PTPRF: variants seen among roughly 807,000 people sequenced by gnomAD.
The protein encoded by PTPRF is protein tyrosine phosphatase receptor type F.
Under a neutral mutation model 201.8 loss-of-function variants are expected in PTPRF, and 59 were observed. That is an observed-to-expected ratio of 0.29 (90% CI 0.24 to 0.36). The LOEUF (loss-of-function observed/expected upper bound fraction) is 0.36, where lower values mean the gene tolerates loss of function less well. Among genes scored for constraint, PTPRF ranks in the 10% least tolerant of loss-of-function variants. The pLI, the probability that PTPRF is intolerant of heterozygous loss-of-function variation, is 1.00. For synonymous variants in PTPRF, 1,088 were observed against 1,089.7 expected (o/e 1.00, Z 0.03); for missense variants, 2,132 against 2,690.5 (o/e 0.79, Z 4.59).
At chr1:43,601,398 C>T (rs1570528009) in intron 13 of PTPRF, among the ~76,000 whole-genome samples, 1 of 152,372 alleles carries the variant, frequency 6.6e-6, no homozygotes, top group East Asian at 1.9e-4. Flanking sequence ...GGTGATTTCC[C>T]GTGCCTGTGG....
chr1:43,545,191 G>T (rs1055896338), intron 3 of PTPRF, 25 bp downstream of exon 3: 1 of 1,555,234 alleles, frequency 6.4e-7, no homozygotes, highest in African/African-American at 1.4e-5. Flanking sequence ...TCAAGGTACA[G>T]ATCTCCCAGG....
upstream of PTPRF, among the ~76,000 whole-genome samples, chr1:43,525,905 G>A (rs1228461221): frequency 1.3e-5 from 2 of 151,564 alleles, no homozygotes; most frequent in African/African-American, 2.4e-5. Flanking sequence ...GAATAGAGGC[G>A]TCCTGTAGAA....
chr1:43,548,902 A>G (rs2819333), intron 3 of PTPRF, among the ~76,000 whole-genome samples: 4 of 152,200 alleles, frequency 2.6e-5, no homozygotes, highest in African/African-American at 9.6e-5. Flanking sequence ...AAGAGCCTTG[A>G]TGGTGGCCCA....
In PTPRF at chr1:43,605,610, G is replaced by C. The variant is rs143151571; in HGVS notation, c.3471G>C (p.Leu1157=). 1.2e-6 allele frequency: 2 copies of C among 1,614,022 alleles called. No individual in the cohort carries two copies. Among genetic ancestry groups the C allele is most frequent in the African/African-American group, 1.3e-5 (1 of 74,940 alleles). Residue 1157 remains leucine (L), a synonymous_variant, in exon 19 of 34, where the codon CTG becomes CTC. Coordinates refer to ENST00000359947, the MANE Select transcript of PTPRF (RefSeq NM_002840.5). ...CAAGGTGGAGCACACCCGAGGAACT[G>C]GAGCTGGACGAGGTACCTGGGGAGG... is the stretch of plus-strand genomic sequence containing the variant. ...LTPRWSTPEE[L]ELDELLEAIE...
intron 6 of PTPRF, among the ~76,000 whole-genome samples, chr1:43,570,960 C>T (rs1351392733): frequency 6.6e-6 from 1 of 152,250 alleles, no homozygotes; most frequent in South Asian, 2.1e-4. Context: ...CTCATAGTTC[C>T]TCCAGGCAGG....
rs1643396654 is a variant in PTPRF at position 43,530,940 on chromosome 1, T to TC, written c.-275dup. ...CTCCAGCTTCGGCTCCGGCTCGGGC[T>TC]CGGGCTCCGGCTCCGGCTCCGGCTC... On this transcript the variant is annotated 5_prime_UTR_variant, in exon 1 of 34. Transcript: ENST00000359947. The surrounding 1 kb of genome is among the most constrained non-coding windows in gnomAD (Gnocchi z 4.1). The TC allele has an allele frequency of 1.3e-5, 2 of 155,826 alleles. No homozygotes were observed. The highest frequency in any genetic ancestry group is 4.9e-5 in the African/African-American group (2 of 40,586). The allele number at this position is 155,826 out of a possible 1,614,324, so 9.7% of individuals were successfully genotyped here.
intron 3 of PTPRF, 76 bp downstream of exon 3, chr1:43,545,242 G>A: frequency 7.0e-7 from 1 of 1,436,276 alleles, no homozygotes. Flanking sequence ...CTGGGATGGG[G>A]ACAGACCGGC....
intron 5 of PTPRF, among the ~76,000 whole-genome samples, chr1:43,568,231 G>A (rs1020568855): frequency 1.3e-5 from 2 of 151,668 alleles, no homozygotes; most frequent in South Asian, 2.1e-4. Flanking sequence ...GGAGGCGGAG[G>A]TTGCGGTGAG....
At chr1:43,533,364 C>T (rs1018498065) in intron 1 of PTPRF, among the ~76,000 whole-genome samples, 1 of 152,094 alleles carries the variant, frequency 6.6e-6, no homozygotes, top group Non-Finnish European at 1.5e-5. Flanking sequence ...ACTAGCTACA[C>T]ATCTTTTACT....
chr1:43,605,552 C>T lies in PTPRF; in HGVS notation c.3413C>T (p.Pro1138Leu). Residue 1138 changes from proline to leucine, a missense_variant, in exon 19 of 34, where the codon CCC (proline) becomes CTC (leucine). This residue lies in a region of PTPRF where 818 missense variants were observed against 915.3 expected (regional missense o/e 0.89). Coordinates refer to ENST00000359947, the MANE Select transcript of PTPRF (RefSeq NM_002840.5). ...AGGTGGTTCTACATTGTTGTGGTGC[C>T]CATTGACCGTGTGGGCGGGAGCATG... ...LVRWFYIVVV[P>L]IDRVGGSMLT... The T allele has an allele frequency of 6.2e-7, 1 of 1,614,096 alleles. No homozygotes were observed. Among genetic ancestry groups the T allele is most frequent in the Non-Finnish European group, 8.5e-7 (1 of 1,180,008 alleles).
In PTPRF at chr1:43,603,047, C is replaced by G. The variant is rs984905976; in HGVS notation, c.2341-369C>G. Among the ~76,000 whole-genome samples the G allele has an allele frequency of 6.6e-6, 1 of 152,154 alleles. No homozygotes were observed. Among genetic ancestry groups the G allele is most frequent in the Non-Finnish European group, 1.5e-5 (1 of 68,020 alleles). On this transcript the variant is annotated intron_variant, in intron 14 of 33. Coordinates refer to ENST00000359947, the MANE Select transcript of PTPRF (RefSeq NM_002840.5). This position sits in a 1 kb window ranked among gnomAD's most constrained non-coding sequence, Gnocchi z 5.8. ...TTATGCAGGAGCTGTAGGCTGTGTGCGTGTGGCTGCCAAGAGCCACGCAAG... is the reference window on the plus strand; with the variant it reads ...TTATGCAGGAGCTGTAGGCTGTGTGGGTGTGGCTGCCAAGAGCCACGCAAG...
At chr1:43,607,043 T>C in intron 21 of PTPRF, 75 bp downstream of exon 21, 1 of 1,562,392 alleles carries the variant, frequency 6.4e-7, no homozygotes. Context: ...GTGTGGTGCC[T>C]GTGGAGAGCG....
intron 6 of PTPRF, among the ~76,000 whole-genome samples, chr1:43,574,894 C>T (rs1252561748): frequency 6.6e-6 from 1 of 152,212 alleles, no homozygotes; most frequent in East Asian, 1.9e-4. Flanking sequence ...TGAGTAATTC[C>T]CTGAATGTCT....
In PTPRF at chr1:43,545,025, T is replaced by G. The variant is rs754414070; in HGVS notation, c.-45-6T>G. The G allele has an allele frequency of 2.9e-5, 43 of 1,494,378 alleles. No homozygotes were observed. Among genetic ancestry groups the G allele is most frequent in the Non-Finnish European group, 3.7e-5 (41 of 1,100,322 alleles). The allele number at this position is 1,494,378 out of a possible 1,614,324, so 92.6% of individuals were successfully genotyped here. A position where few individuals can be genotyped will look rare whatever the true frequency, so the allele number is the denominator to read the frequency against. On this transcript the variant is annotated splice_region_variant and splice_polypyrimidine_tract_variant and intron_variant, in intron 2 of 33. Transcript: ENST00000359947. ...CTAACTGGCTCTGCCCTTCTCTCCATTACAGGTTGATTGTCCTGGGCTGTG... is the reference window on the plus strand; with the variant it reads ...CTAACTGGCTCTGCCCTTCTCTCCAGTACAGGTTGATTGTCCTGGGCTGTG...
intron 2 of PTPRF, among the ~76,000 whole-genome samples, chr1:43,540,508 G>A (rs1436349188): frequency 2.0e-5 from 3 of 152,190 alleles, no homozygotes; most frequent in African/African-American, 7.2e-5. Context: ...CCAGAGGAAG[G>A]GGCCTGGAGG....
chr1:43,621,038 C>T (rs1363563309), intron 32 of PTPRF, 46 bp downstream of exon 32: 2 of 1,610,272 alleles, frequency 1.2e-6, no homozygotes, highest in Non-Finnish European at 1.7e-6. Context: ...GCCTGAAGGC[C>T]TGGCAGACCC....
intron 6 of PTPRF, among the ~76,000 whole-genome samples, chr1:43,570,997 C>T (rs1437131079): frequency 6.6e-6 from 1 of 152,246 alleles, no homozygotes; most frequent in Non-Finnish European, 1.5e-5. Flanking sequence ...ACGCTCCTCC[C>T]TGCTGGCCTG....
At chr1:43,584,162 A>G (rs1347691384) in intron 7 of PTPRF, among the ~76,000 whole-genome samples, 3 of 152,076 alleles carry the variant, frequency 2.0e-5, no homozygotes, top group Non-Finnish European at 4.4e-5. Flanking sequence ...GTGGTCATTC[A>G]TGTATCACAT....
At chr1:43,555,539 G>A (rs1645308173) in intron 5 of PTPRF, among the ~76,000 whole-genome samples, 1 of 148,748 alleles carries the variant, frequency 6.7e-6, no homozygotes, top group African/African-American at 2.5e-5. Context: ...TCTGCCTCCT[G>A]GGTTCAAGCG....
Sources: gnomAD v4.1 joint callset for allele counts (sites outside exome capture counted in the v4.1 genomes callset) on GRCh38, gnomAD v4.1.1 for gene constraint, gnomAD v4.1.1 regional missense constraint, Gnocchi (gnomAD v3.1) non-coding constraint, MANE v1.5 for transcripts, NCBI Gene and HGNC (gene_info 2026-07-23, HGNC 2026-07-21) for gene names.